The following FOXRED2 variants were observed in gnomAD, a reference collection of about 807,000 sequenced individuals.
The protein encoded by FOXRED2 is FAD dependent oxidoreductase domain containing 2.
FOXRED2 carries 32 observed loss-of-function variants against 52.5 expected under a neutral mutation model. The observed-to-expected ratio is 0.61, with a 90% CI of 0.46 to 0.82. FOXRED2 has a LOEUF of 0.82. Among genes scored for constraint, FOXRED2 ranks in the 40% least tolerant of loss-of-function variants. The probability of loss-of-function intolerance (pLI) is 0.00; values close to 1 mark genes in which losing one functional copy is unlikely to be tolerated. For missense variants in FOXRED2, 848 were observed against 937.5 expected (o/e 0.90, Z 1.25); for synonymous variants, 405 against 398.1 (o/e 1.02, Z -0.21).
At chr22:36,495,395 G>A (rs909916370) in intron 7 of FOXRED2, among the ~76,000 whole-genome samples, 4 of 152,220 alleles carry the variant, frequency 2.6e-5, no homozygotes, top group Admixed American at 2.0e-4. Flanking sequence ...GAAGCAGGGG[G>A]TGCGTTCCCG....
intron 5 of FOXRED2, among the ~76,000 whole-genome samples, chr22:36,499,500 C>T (rs1933988477): frequency 1.3e-5 from 2 of 152,042 alleles, no homozygotes; most frequent in Non-Finnish European, 2.9e-5. Context: ...GTGGTGCACG[C>T]CTGAAGTCCC....
chr22:36,494,950 G>GTTTC (rs1215289458), intron 7 of FOXRED2, among the ~76,000 whole-genome samples: 1 of 147,060 alleles, frequency 6.8e-6, no homozygotes, highest in Non-Finnish European at 1.5e-5. Context: ...TTGTTTGTTT[G>GTTTC]TTTGTTTTTT....
intron 5 of FOXRED2, among the ~76,000 whole-genome samples, chr22:36,500,616 T>A (rs1934017969): frequency 6.8e-6 from 1 of 146,854 alleles, no homozygotes; most frequent in Non-Finnish European, 1.5e-5. Context: ...GGAGTTTTGC[T>A]CTTGTTGCCC....
At chr22:36,504,856 G>T in intron 2 of FOXRED2, 90 bp from the exon 3 acceptor site, 1 of 1,420,310 alleles carries the variant, frequency 7.0e-7, no homozygotes, top group Non-Finnish European at 9.5e-7. Flanking sequence ...CCACCCACCT[G>T]CCTGGCTCCA....
At position 36,493,763 on chromosome 22, in the gene FOXRED2, A is replaced by G. The variant is rs1933822029; in HGVS notation, c.1665T>C (p.Pro555=). Residue 555 remains proline (P), a synonymous_variant, in exon 8 of 9, where the codon CCT becomes CCC. Coordinates refer to ENST00000397224, the MANE Select transcript of FOXRED2 (RefSeq NM_001102371.2). ...CGATGTGATGGATGGCCGTGGGCCG[A>G]GGCAGGGGCCAGTGTGCAGGGCGGA... ...VRFRPAHWPL[P]RPTAIHHIVE... is the part of the protein sequence containing the mutation. The G allele has an allele frequency of 6.2e-7, 1 of 1,614,084 alleles. No individual in the cohort carries two copies. The highest frequency in any genetic ancestry group is 1.3e-5 in the African/African-American group (1 of 74,940).
intron 3 of FOXRED2, 60 bp from the exon 4 acceptor site, chr22:36,504,427 G>A: frequency 9.3e-6 from 15 of 1,608,388 alleles, no homozygotes; most frequent in Non-Finnish European, 1.3e-5. Context: ...AGTGCAGCTG[G>A]GGTCAGGAAG....
chr22:36,490,905 G>C (rs5995293), intron 8 of FOXRED2, among the ~76,000 whole-genome samples: 42,309 of 152,130 alleles, frequency 0.28, 6,955 homozygotes, highest in African/African-American at 0.46. Context: ...GCCTTAATCC[G>C]ACAACTCTGG....
Position 36,498,064 on chromosome 22 carries a change from C to T in FOXRED2, c.1309G>A (p.Val437Met), listed in dbSNP as rs138743624. ...CCAGAAGCCTCATTCACGCGCCGCA[C>T]GATGGAGCTGGTCAGCTGTGTGATG... is the stretch of plus-strand genomic sequence containing the variant. ...LPITQLTSSI[V>M]RRVNEASGLY... The change falls in exon 6 of 9, where the codon GTG becomes ATG. Residue 437 changes from valine to methionine, a missense_variant. Coordinates refer to ENST00000397224, the MANE Select transcript of FOXRED2 (RefSeq NM_001102371.2). 78 of 1,613,928 alleles carry T rather than the reference C, an allele frequency of 4.8e-5. No individual in the cohort carries two copies. Among genetic ancestry groups the T allele is most frequent in the Non-Finnish European group, 6.1e-5 (72 of 1,180,044 alleles).
chr22:36,505,878 C>A lies in FOXRED2; in HGVS notation c.527+18G>T. 6.2e-7 allele frequency: 1 copy of A among 1,600,660 alleles called. No individual in the cohort carries two copies. Among genetic ancestry groups the A allele is most frequent in the Non-Finnish European group, 8.6e-7 (1 of 1,168,912 alleles). On this transcript the variant is annotated intron_variant, in intron 2 of 8. Transcript: ENST00000397224. ...GAAGGTCCCAGCTTCCGCAGGTGAG[C>A]TCTGGCACCGGCCTTACCTGCACTG...
rs1054955468 is a variant in FOXRED2, at chr22:36,488,233, T to A, written c.*1775A>T. The A allele has an allele frequency of 1.3e-5, 2 of 152,118 alleles. No homozygotes were observed. Among genetic ancestry groups the A allele is most frequent in the Non-Finnish European group, 1.5e-5 (1 of 68,048 alleles). 9.4% of individuals were successfully genotyped at this position (152,118 alleles called of 1,614,324 possible). ...TTCACTTTTGTTGTAGCATACTTTG[T>A]TCTTTTTTATTTTTTATTTTTTTGA... On this transcript the variant is annotated 3_prime_UTR_variant, in exon 9 of 9. Coordinates refer to ENST00000397224, the MANE Select transcript of FOXRED2 (RefSeq NM_001102371.2).
At chr22:36,495,891 T>C (rs1298438095) in intron 7 of FOXRED2, 76 bp downstream of exon 7, 2 of 1,534,404 alleles carry the variant, frequency 1.3e-6, no homozygotes, top group African/African-American at 2.7e-5. Context: ...TGTGAAGGTT[T>C]CAGGGTGGGT....
In FOXRED2 at chr22:36,498,067, T is replaced by C. The variant is rs781665251; in HGVS notation, c.1306A>G (p.Ile436Val). The change falls in exon 6 of 9, where the codon ATC (isoleucine) becomes GTC (valine). Residue 436 changes from isoleucine to valine, a missense_variant. By Grantham distance (29) the Ile-to-Val change is conservative. Coordinates refer to ENST00000397224, the MANE Select transcript of FOXRED2 (RefSeq NM_001102371.2). ...ELPITQLTSS[I>V]VRRVNEASGL... ...GAAGCCTCATTCACGCGCCGCACGA[T>C]GGAGCTGGTCAGCTGTGTGATGGGG... 3.7e-6 allele frequency: 6 copies of C among 1,613,580 alleles called. No homozygotes were observed. In the East Asian group the frequency reaches 8.9e-5, roughly 24 times the overall value.
chr22:36,494,306 T>G (rs2011107), intron 7 of FOXRED2, among the ~76,000 whole-genome samples: 1 of 151,830 alleles, frequency 6.6e-6, no homozygotes, highest in Non-Finnish European at 1.5e-5. Context: ...TTCGTAGAGA[T>G]GGGGTTTCTA....
chr22:36,495,675 A>G (rs1230028180), intron 7 of FOXRED2, among the ~76,000 whole-genome samples: 1 of 152,170 alleles, frequency 6.6e-6, no homozygotes, highest in Non-Finnish European at 1.5e-5. Context: ...GCCCCACCAC[A>G]GTCAGCCGCC....
At chr22:36,506,472 G>C (rs1435752314) in intron 1 of FOXRED2, 49 bp from the exon 2 acceptor site, 15 of 1,410,132 alleles carry the variant, frequency 1.1e-5, no homozygotes, top group Non-Finnish European at 1.4e-5. Flanking sequence ...CGGCGGCTGG[G>C]AGACACGAGG....
intron 8 of FOXRED2, among the ~76,000 whole-genome samples, chr22:36,490,477 CA>C (rs1458633839): frequency 6.6e-6 from 1 of 152,204 alleles, no homozygotes; most frequent in Non-Finnish European, 1.5e-5. Flanking sequence ...GGCTCCAGGG[CA>C]GGGGGCTGCC....
intron 2 of FOXRED2, among the ~76,000 whole-genome samples, chr22:36,505,110 G>A (rs376410012): frequency 2.6e-5 from 4 of 152,176 alleles, no homozygotes; most frequent in African/African-American, 9.7e-5. Context: ...ATGACTGCTG[G>A]TGATGAAATG....
At chr22:36,503,802 G>A (rs138365216) in intron 4 of FOXRED2, among the ~76,000 whole-genome samples, 1 of 152,280 alleles carries the variant, frequency 6.6e-6, no homozygotes, top group East Asian at 1.9e-4. Context: ...TATTGCCTTC[G>A]AGCAAATTCC....
At chr22:36,494,473 C>T (rs5756216) in intron 7 of FOXRED2, among the ~76,000 whole-genome samples, 23,760 of 151,872 alleles carry the variant, frequency 0.16, 2,278 homozygotes, top group African/African-American at 0.27. Flanking sequence ...CAGATAGAGG[C>T]GAGGGGTCTC....
Sources: gnomAD v4.1 joint callset for allele counts (sites outside exome capture counted in the v4.1 genomes callset) on GRCh38, gnomAD v4.1.1 for gene constraint, MANE v1.5 for transcripts, NCBI Gene and HGNC (gene_info 2026-07-23, HGNC 2026-07-21) for gene names.